RAPGEF6: variants seen among roughly 807,000 people sequenced by gnomAD.
RAPGEF6 encodes the protein PDZ domain containing guanine nucleotide exchange factor (GEF) 2.
RAPGEF6 carries 56 observed loss-of-function variants against 171.4 expected under a neutral mutation model. That is an observed-to-expected ratio of 0.33 (90% CI 0.26 to 0.41). The LOEUF (loss-of-function observed/expected upper bound fraction) is 0.41. Ranked by LOEUF, RAPGEF6 falls within the 10% of genes least tolerant of loss-of-function variation. The probability of loss-of-function intolerance (pLI) is 1.00; values close to 1 mark genes in which losing one functional copy is unlikely to be tolerated. For missense variants in RAPGEF6, 1,674 were observed against 1,921.4 expected, an observed-to-expected ratio of 0.87 and a Z score of 2.41; for synonymous variants, 692 against 650.1, an observed-to-expected ratio of 1.06 and a Z score of -0.98.
chr5:131,633,402 T>A (rs1309746435), intron 1 of RAPGEF6, among the ~76,000 whole-genome samples: 2 of 152,062 alleles, frequency 1.3e-5, no homozygotes, highest in Non-Finnish European at 2.9e-5. Flanking sequence ...GATTTTTCCA[T>A]TAAAATGTGA....
chr5:131,525,351 A>G (rs1758804897), intron 6 of RAPGEF6, among the ~76,000 whole-genome samples: 1 of 152,214 alleles, frequency 6.6e-6, no homozygotes, highest in Non-Finnish European at 1.5e-5. Flanking sequence ...GTAGAAATAC[A>G]TAACAAAAAG....
chr5:131,631,428 T>C (rs1766299912), intron 1 of RAPGEF6, among the ~76,000 whole-genome samples: 1 of 152,218 alleles, frequency 6.6e-6, no homozygotes, highest in South Asian at 2.1e-4. Context: ...TTGATTCTTC[T>C]CTTTTCCTCA....
rs758916921 is a variant in RAPGEF6, at chr5:131,472,690, A to G, written c.2136T>C (p.Cys712=). Residue 712 remains cysteine, a synonymous_variant, in exon 17 of 28, where the codon TGT becomes TGC. Transcript: ENST00000509018. ...QDDSIVGTRH[C]RHSLAIMPIP... is the part of the protein sequence containing the mutation. ...TGGGCATTATAGCCAGACTATGCCT[A>G]CAGTGCCTTGTTCCCACAATGCTGT... 1.2e-5 allele frequency: 20 copies of G among 1,612,840 alleles called. No individual in the cohort carries two copies. Among genetic ancestry groups the G allele is most frequent in the Middle Eastern group, 1.7e-4 (1 of 6,058 alleles).
In RAPGEF6 at chr5:131,473,205, G is replaced by A. The variant is rs147533474; in HGVS notation, c.2082-461C>T. On this transcript the variant is annotated intron_variant, in intron 16 of 27. Coordinates refer to ENST00000509018, the MANE Select transcript of RAPGEF6 (RefSeq NM_016340.6). The stretch of plus-strand genomic sequence containing the variant: ...ACATTCAAACCAAAAACTATGGCAG[G>A]TAATAGATAACAATGGGGCCAAGGT... Among the ~76,000 whole-genome samples the A allele has an allele frequency of 9.2e-5, 14 of 152,184 alleles. No individual in the cohort carries two copies. In the East Asian group the frequency reaches 2.7e-3, roughly 29 times the overall value.
At chr5:131,529,152 G>A (rs377497862) in intron 6 of RAPGEF6, among the ~76,000 whole-genome samples, 15 of 147,124 alleles carry the variant, frequency 1.0e-4, no homozygotes, top group African/African-American at 2.3e-4. Context: ...GAGAGACCAC[G>A]GAAAAAAAAA....
chr5:131,427,712 C>T (rs545150238), intron 27 of RAPGEF6, among the ~76,000 whole-genome samples: 1 of 152,194 alleles, frequency 6.6e-6, no homozygotes, highest in Non-Finnish European at 1.5e-5. Flanking sequence ...AAAAGTATCC[C>T]ATTAGATTGA....
chr5:131,515,642 G>T (rs185188222), intron 7 of RAPGEF6, among the ~76,000 whole-genome samples: 1 of 152,288 alleles, frequency 6.6e-6, no homozygotes, highest in Admixed American at 6.5e-5. Flanking sequence ...TGACATGTCC[G>T]AGAGAAAAAC....
At chr5:131,551,507 A>G (rs1421457537) in intron 5 of RAPGEF6, among the ~76,000 whole-genome samples, 1 of 92,478 alleles carries the variant, frequency 1.1e-5, no homozygotes, top group African/African-American at 3.9e-5. Flanking sequence ...GTGAGACTCC[A>G]TCTCAAAAAA....
At chr5:131,442,326 T>C in intron 23 of RAPGEF6, 23 bp downstream of exon 23, 1 of 1,565,954 alleles carries the variant, frequency 6.4e-7, no homozygotes, top group Non-Finnish European at 8.7e-7. Context: ...TAAACGGATG[T>C]AATATTAATG....
chr5:131,544,864 GGA>G (rs1760406974), intron 6 of RAPGEF6, among the ~76,000 whole-genome samples: 2 of 152,018 alleles, frequency 1.3e-5, no homozygotes, highest in African/African-American at 4.8e-5. Flanking sequence ...TGTATTTTCA[GGA>G]GAGACGGGGT....
intron 15 of RAPGEF6, among the ~76,000 whole-genome samples, chr5:131,486,083 CAGTT>C (rs1285684762): frequency 1.3e-5 from 2 of 152,220 alleles, no homozygotes; most frequent in Non-Finnish European, 2.9e-5. Flanking sequence ...CCTAGATGGT[CAGTT>C]AGGTACAGCG....
chr5:131,516,816 AT>A (rs1046191474), intron 7 of RAPGEF6, among the ~76,000 whole-genome samples: 127 of 152,318 alleles, frequency 8.3e-4, no homozygotes, highest in African/African-American at 2.9e-3. Context: ...TTAGAAACAC[AT>A]TCACACTGGA....
intron 6 of RAPGEF6, among the ~76,000 whole-genome samples, chr5:131,547,551 C>A (rs989273558): frequency 1.3e-5 from 2 of 148,980 alleles, no homozygotes; most frequent in African/African-American, 4.9e-5. Flanking sequence ...CTCTTGTCGA[C>A]CAGGCTGGAA....
At chr5:131,450,810 G>A (rs1753014822) in intron 21 of RAPGEF6, among the ~76,000 whole-genome samples, 1 of 152,080 alleles carries the variant, frequency 6.6e-6, no homozygotes, top group African/African-American at 2.4e-5. Flanking sequence ...CTTTAAAAAA[G>A]ATGTTTTTTA....
intron 1 of RAPGEF6, among the ~76,000 whole-genome samples, chr5:131,632,301 T>C (rs892085155): frequency 2.6e-5 from 4 of 152,156 alleles, no homozygotes; most frequent in Admixed American, 6.5e-5. Flanking sequence ...GCTCTCAACA[T>C]AGGGCCTTTG....
At position 131,425,515 on chromosome 5, in the gene RAPGEF6, C is replaced by G. The variant is rs1209387628; in HGVS notation, c.*1751G>C. On this transcript the variant is annotated 3_prime_UTR_variant, in exon 28 of 28. Transcript: ENST00000509018. Reference sequence around the variant, plus strand: ...CAGGTTATTTCCCATTTCAAAGGACCAAGAAAGCTATGGAACCACCAAGCC... The same window carrying G: ...CAGGTTATTTCCCATTTCAAAGGACGAAGAAAGCTATGGAACCACCAAGCC... 6.6e-6 allele frequency: 1 copy of G among 152,206 alleles called. No individual in the cohort carries two copies. The allele number at this position is 152,206 out of a possible 1,614,324, so 9.4% of individuals were successfully genotyped here.
chr5:131,599,577 AAGAT>A (rs1764106781), intron 3 of RAPGEF6, among the ~76,000 whole-genome samples: 1 of 152,124 alleles, frequency 6.6e-6, no homozygotes, highest in Non-Finnish European at 1.5e-5. Flanking sequence ...AAGAGAGAAA[AAGAT>A]AGTTTTTCAA....
At chr5:131,451,682 A>T (rs551807462) in intron 21 of RAPGEF6, among the ~76,000 whole-genome samples, 4 of 152,214 alleles carry the variant, frequency 2.6e-5, no homozygotes. Context: ...GAAAATTCCA[A>T]CTCTGGCTTT....
chr5:131,597,439 C>G (rs1763967508), intron 3 of RAPGEF6, among the ~76,000 whole-genome samples: 1 of 151,928 alleles, frequency 6.6e-6, no homozygotes, highest in Non-Finnish European at 1.5e-5. Context: ...AGCCAAAATA[C>G]AGACTCAACC....
Sources: gnomAD v4.1 joint callset for allele counts (sites outside exome capture counted in the v4.1 genomes callset) on GRCh38, gnomAD v4.1.1 for gene constraint, MANE v1.5 for transcripts, NCBI Gene and HGNC (gene_info 2026-07-23, HGNC 2026-07-21) for gene names.